Variants in CPNE4 observed in about 807,000 individuals in gnomAD.
CPNE4 encodes the protein copine-4.
Under a neutral mutation model 67.9 loss-of-function variants are expected in CPNE4, and 25 were observed. That is an observed-to-expected ratio of 0.37 (90% confidence interval 0.27 to 0.51). The LOEUF (loss-of-function observed/expected upper bound fraction) is 0.51. CPNE4 is among the 20% of genes least tolerant of loss of function. CPNE4 has a pLI of 0.93. For synonymous variants in CPNE4, 242 were observed against 244.9 expected, an observed-to-expected ratio of 0.99 and a Z score of 0.11; for missense variants, 464 against 690.8, an observed-to-expected ratio of 0.67 and a Z score of 3.68.
intron 2 of CPNE4, among the ~76,000 whole-genome samples, chr3:131,814,564 G>A (rs1583250863): frequency 8.8e-6 from 1 of 113,058 alleles, no homozygotes; most frequent in African/African-American, 3.2e-5. Flanking sequence ...ATAAAATATT[G>A]AAATGCAATT....
In CPNE4 at chr3:131,857,523, G is replaced by C. The variant is rs543134000; in HGVS notation, c.180+47741C>G. Reference sequence around the variant, plus strand: ...TACTAAAATTGATTAGCTTGACTTTGGGGGGATATTTCTCAGTCTCCCTGA... The same window carrying C: ...TACTAAAATTGATTAGCTTGACTTTCGGGGGATATTTCTCAGTCTCCCTGA... On this transcript the variant is annotated intron_variant, in intron 2 of 15. Transcript: ENST00000429747. Among the ~76,000 whole-genome samples, 200 of 152,018 alleles carry C rather than the reference G, an allele frequency of 1.3e-3. 1 individual carries two copies. In the Middle Eastern group the frequency reaches 0.014, roughly 10 times the overall value.
intron 2 of CPNE4, among the ~76,000 whole-genome samples, chr3:131,724,451 A>T (rs2081957408): frequency 6.6e-6 from 1 of 152,162 alleles, no homozygotes; most frequent in African/African-American, 2.4e-5. Flanking sequence ...ATATTAATAC[A>T]TCTCTGCCAC....
intron 2 of CPNE4, among the ~76,000 whole-genome samples, chr3:131,836,208 C>A (rs1283944852): frequency 1.3e-5 from 2 of 151,946 alleles, no homozygotes; most frequent in Non-Finnish European, 2.9e-5. Flanking sequence ...ATCATAGATC[C>A]AAAAATTCTC....
intron 1 of CPNE4, among the ~76,000 whole-genome samples, chr3:131,987,877 A>T (rs2073092798): frequency 6.6e-6 from 1 of 152,184 alleles, no homozygotes; most frequent in Non-Finnish European, 1.5e-5. Context: ...GTGACTTACA[A>T]GTCGATTTGC....
At chr3:131,892,540 C>G (rs2107744584) in intron 2 of CPNE4, among the ~76,000 whole-genome samples, 1 of 145,840 alleles carries the variant, frequency 6.9e-6, no homozygotes, top group South Asian at 2.2e-4. Flanking sequence ...ACTCAGAATA[C>G]CCCAGTGATA....
chr3:131,733,641 G>A (rs1204257796), intron 2 of CPNE4, among the ~76,000 whole-genome samples: 2 of 152,132 alleles, frequency 1.3e-5, no homozygotes, highest in Admixed American at 6.5e-5. Flanking sequence ...GGAGCAGGAA[G>A]GTGTTGGATT....
chr3:131,637,038 A>G (rs781018320), intron 7 of CPNE4, among the ~76,000 whole-genome samples: 21 of 152,354 alleles, frequency 1.4e-4, no homozygotes, highest in Non-Finnish European at 2.6e-4. Context: ...GAATCTGAAC[A>G]GCAGCCCTTG....
intron 2 of CPNE4, among the ~76,000 whole-genome samples, chr3:131,880,259 G>C (rs2087622243): frequency 6.6e-6 from 1 of 151,868 alleles, no homozygotes; most frequent in Non-Finnish European, 1.5e-5. Context: ...GGGACTACAG[G>C]CGCCCACGAC....
At chr3:131,909,613 A>G (rs2088901394) in intron 1 of CPNE4, among the ~76,000 whole-genome samples, 1 of 152,170 alleles carries the variant, frequency 6.6e-6, no homozygotes, top group Non-Finnish European at 1.5e-5. Context: ...AATGTAGGCA[A>G]CCAAACACCA....
chr3:131,960,524 T>C (rs767400286), intron 1 of CPNE4, among the ~76,000 whole-genome samples: 5 of 152,310 alleles, frequency 3.3e-5, no homozygotes, highest in South Asian at 4.1e-4. Context: ...TGTTTGCCTA[T>C]TGTCCAATAA....
At chr3:131,817,092 C>T (rs527269295) in intron 2 of CPNE4, among the ~76,000 whole-genome samples, 1 of 152,236 alleles carries the variant, frequency 6.6e-6, no homozygotes, top group South Asian at 2.1e-4. Flanking sequence ...TTTCAGCACA[C>T]ATCAGCAATG....
At chr3:131,923,897 T>A (rs2070818013) in intron 1 of CPNE4, among the ~76,000 whole-genome samples, 2 of 151,736 alleles carry the variant, frequency 1.3e-5, no homozygotes, top group South Asian at 2.1e-4. Flanking sequence ...CCACCAAAAG[T>A]AAGACCCAGA....
chr3:131,947,473 G>T (rs905509145), intron 1 of CPNE4, among the ~76,000 whole-genome samples: 5 of 152,126 alleles, frequency 3.3e-5, no homozygotes, highest in Non-Finnish European at 7.3e-5. Flanking sequence ...ACTTATGAGT[G>T]AGAACATGCA....
At chr3:131,555,032 A>G (rs1313073704) in intron 12 of CPNE4, among the ~76,000 whole-genome samples, 1 of 152,076 alleles carries the variant, frequency 6.6e-6, no homozygotes, top group East Asian at 1.9e-4. Context: ...TCTCTAAGTC[A>G]TAATAGTTCT....
rs776545805 is a variant in CPNE4, at chr3:131,717,886, C to CTT, written c.360+5558_360+5559dup. On this transcript the variant is annotated intron_variant, in intron 3 of 15. Coordinates refer to ENST00000429747, the MANE Select transcript of CPNE4 (RefSeq NM_130808.3). Reference sequence around the variant, plus strand: ...CTTTCTTTCTTTCTTTTCTTTCTTTCTTTCTTTCTTTCTTTCTTTCTTTCT... The same window carrying CTT: ...CTTTCTTTCTTTCTTTTCTTTCTTTCTTTTTCTTTCTTTCTTTCTTTCTTTCT... 9.3e-5 allele frequency among the ~76,000 whole-genome samples: 8 copies of CTT among 86,372 alleles called. 1 individual carries two copies. The highest frequency in any genetic ancestry group is 3.3e-4 in the African/African-American group (8 of 24,268). The allele number at this position is 86,372 out of a possible 152,430, so 56.7% of individuals were successfully genotyped here.
Position 131,593,857 on chromosome 3 carries a change from G to A in CPNE4, c.682-6275C>T, listed in dbSNP as rs184542383. On this transcript the variant is annotated intron_variant, in intron 7 of 15. Transcript: ENST00000429747. ...CTCCCAAGTAGCTGGGACTACAGGC[G>A]CACACCACCATGCCCAGCTAATTAT... Among the ~76,000 whole-genome samples, 982 of 152,034 alleles carry A rather than the reference G, an allele frequency of 6.5e-3. 12 individuals carry two copies. Among genetic ancestry groups the A allele is most frequent in the African/African-American group, 0.023 (935 of 41,464 alleles).
At chr3:131,690,850 A>G (rs2081017834) in intron 5 of CPNE4, among the ~76,000 whole-genome samples, 1 of 152,060 alleles carries the variant, frequency 6.6e-6, no homozygotes, top group African/African-American at 2.4e-5. Context: ...AAACAATTCA[A>G]TAAGCAAAAA....
At chr3:131,585,106 C>A (rs1018979016) in intron 8 of CPNE4, among the ~76,000 whole-genome samples, 5 of 152,184 alleles carry the variant, frequency 3.3e-5, no homozygotes, top group Admixed American at 6.5e-5. Context: ...ATATTGGCTT[C>A]TTTTTAATCA....
At chr3:131,863,441 G>C (rs529780370) in intron 2 of CPNE4, among the ~76,000 whole-genome samples, 3 of 152,286 alleles carry the variant, frequency 2.0e-5, no homozygotes, top group Admixed American at 6.5e-5. Context: ...GTTTCGATTT[G>C]CATTTCTCTG....
Sources: gnomAD v4.1 joint callset for allele counts (sites outside exome capture counted in the v4.1 genomes callset) on GRCh38, gnomAD v4.1.1 for gene constraint, MANE v1.5 for transcripts, NCBI Gene and HGNC (gene_info 2026-07-23, HGNC 2026-07-21) for gene names.